The following SHTN1 variants were observed in gnomAD, a reference collection of about 807,000 sequenced individuals.
SHTN1 encodes the protein shootin-1.
In SHTN1, 42 loss-of-function variants were observed where a neutral mutation model predicts 83.1. That is an observed-to-expected ratio of 0.51 (90% CI 0.39 to 0.65). The LOEUF (loss-of-function observed/expected upper bound fraction) is 0.65. SHTN1 is among the 30% of genes least tolerant of loss of function. The pLI, the probability that SHTN1 is intolerant of heterozygous loss-of-function variation, is 0.00. For missense variants in SHTN1, 622 were observed against 737.8 expected, an observed-to-expected ratio of 0.84 and a Z score of 1.82; for synonymous variants, 224 against 247.7, an observed-to-expected ratio of 0.90 and a Z score of 0.90.
At chr10:117,042,505 A>G (rs1353069196) in intron 2 of SHTN1, among the ~76,000 whole-genome samples, 4 of 152,220 alleles carry the variant, frequency 2.6e-5, no homozygotes, top group Admixed American at 2.6e-4. Flanking sequence ...TGTAGATATA[A>G]AGATAAATAC....
At chr10:117,027,502 C>CTT (rs57037007) in intron 2 of SHTN1, among the ~76,000 whole-genome samples, 7 of 150,028 alleles carry the variant, frequency 4.7e-5, no homozygotes, top group East Asian at 2.0e-4. Context: ...TCAGGCATTT[C>CTT]TTTTTTTTTC....
At position 117,097,028 on chromosome 10, in the gene SHTN1, T is replaced by TACACAC. The variant is rs1472242175; in HGVS notation, c.-189+29278_-189+29279insGTGTGT. ...GCACGCGCGCGCACACACACACACATAGACACACACACACACACACACACA... is the reference window on the plus strand; with the variant it reads ...GCACGCGCGCGCACACACACACACATACACACAGACACACACACACACACACACACA... On this transcript the variant is annotated intron_variant, in intron 1 of 17. Transcript: ENST00000392901. Among the ~76,000 whole-genome samples, 73 of 98,536 alleles carry TACACAC rather than the reference T, an allele frequency of 7.4e-4. 2 individuals carry two copies. Among genetic ancestry groups the TACACAC allele is most frequent in the Admixed American group, 6.1e-3 (56 of 9,232 alleles). The allele number at this position is 98,536 out of a possible 152,430, so 64.6% of individuals were successfully genotyped here. A position where few individuals can be genotyped will look rare whatever the true frequency, so the allele number is the denominator to read the frequency against.
intron 16 of SHTN1, among the ~76,000 whole-genome samples, chr10:116,890,300 A>C (rs1847298708): frequency 1.3e-5 from 2 of 152,246 alleles, no homozygotes; most frequent in African/African-American, 2.4e-5. Flanking sequence ...AAATTTTACA[A>C]GTATCACTTA....
At position 116,948,963 on chromosome 10, in the gene SHTN1, T is replaced by A; in HGVS notation, c.569A>T (p.Asn190Ile). 1 of 1,573,988 alleles carries A rather than the reference T, an allele frequency of 6.4e-7. No homozygotes were observed. The highest frequency in any genetic ancestry group is 1.2e-5 in the South Asian group (1 of 81,868). The part of the protein sequence containing the change: ...NKVKQEKTVL[N>I]SEVLEQRKVL... Reference sequence around the variant, plus strand: ...TTTTCTCTGTTCAAGAACTTCTGAATTTAAAACAGTCTTTTCTTGTTTAAC... The same window carrying A: ...TTTTCTCTGTTCAAGAACTTCTGAAATTAAAACAGTCTTTTCTTGTTTAAC... The change falls in exon 7 of 17, where the codon AAT (asparagine) becomes ATT (isoleucine). Residue 190 changes from asparagine (N) to isoleucine (I), a missense_variant. Around this residue, in one of 3 missense-constraint regions of SHTN1, gnomAD observed 383 missense variants for 455.8 expected, o/e 0.84. Coordinates refer to ENST00000355371, the MANE Select transcript of SHTN1 (RefSeq NM_001127211.3).
At chr10:117,101,919 T>C (rs903596613) in intron 1 of SHTN1, among the ~76,000 whole-genome samples, 1 of 151,964 alleles carries the variant, frequency 6.6e-6, no homozygotes, top group East Asian at 1.9e-4. Flanking sequence ...CATCAAAGTA[T>C]ACCTTTCTTT....
intron 12 of SHTN1, among the ~76,000 whole-genome samples, chr10:116,917,248 AC>A (rs1848411986): frequency 2.6e-5 from 4 of 152,238 alleles, no homozygotes; most frequent in Admixed American, 2.0e-4. Flanking sequence ...GGGAGATAAA[AC>A]CCAGTCTGCC....
intron 2 of SHTN1, among the ~76,000 whole-genome samples, chr10:117,038,655 C>T (rs1235681730): frequency 1.3e-5 from 2 of 152,152 alleles, no homozygotes; most frequent in African/African-American, 4.8e-5. Flanking sequence ...AAACAAACAA[C>T]TCAGTGAATA....
chr10:117,056,517 TAAG>T (rs1471697954), intron 1 of SHTN1, among the ~76,000 whole-genome samples: 1 of 152,164 alleles, frequency 6.6e-6, no homozygotes, highest in Non-Finnish European at 1.5e-5. Flanking sequence ...TCATCCATGA[TAAG>T]AACTCTTGGC....
intron 1 of SHTN1, among the ~76,000 whole-genome samples, chr10:116,989,802 C>T (rs935782641): frequency 2.0e-5 from 3 of 152,158 alleles, no homozygotes; most frequent in East Asian, 3.9e-4. Flanking sequence ...TTTTCGGCCT[C>T]GCGATGTGCA....
intron 1 of SHTN1, among the ~76,000 whole-genome samples, chr10:117,056,251 C>A (rs1032830041): frequency 6.6e-6 from 1 of 151,972 alleles, no homozygotes; most frequent in African/African-American, 2.4e-5. Context: ...AAACCAAAGA[C>A]AATACAAAAA....
At position 116,989,942 on chromosome 10, in the gene SHTN1, CA is replaced by C. The variant is rs777639923; in HGVS notation, c.59-10635del. Among the ~76,000 whole-genome samples the C allele has an allele frequency of 2.0e-5, 3 of 152,222 alleles. No individual in the cohort carries two copies. In the East Asian group the frequency reaches 5.8e-4, roughly 29 times the overall value. ...CTCCCTTTCATTTTGGCATAGTTGG[CA>C]GGAAATTCTGGGCCACTTTACTCGT... On this transcript the variant is annotated intron_variant, in intron 1 of 16. Coordinates refer to ENST00000355371, the MANE Select transcript of SHTN1 (RefSeq NM_001127211.3).
chr10:116,909,398 A>G (rs1848101987), intron 14 of SHTN1, among the ~76,000 whole-genome samples: 1 of 152,220 alleles, frequency 6.6e-6, no homozygotes, highest in Admixed American at 6.5e-5. Context: ...TTTTTTAAAA[A>G]TTGCTTTTAG....
chr10:117,082,852 T>C (rs1425022562), intron 1 of SHTN1, among the ~76,000 whole-genome samples: 1 of 151,580 alleles, frequency 6.6e-6, no homozygotes, highest in African/African-American at 2.4e-5. Context: ...GAGACTAGGA[T>C]TGCAACCCCT....
At chr10:117,033,105 A>C (rs752534082) in intron 2 of SHTN1, among the ~76,000 whole-genome samples, 1 of 152,174 alleles carries the variant, frequency 6.6e-6, no homozygotes, top group Non-Finnish European at 1.5e-5. Flanking sequence ...AAAATTTCAA[A>C]TAATGTAATG....
At chr10:116,921,089 C>T (rs918428004) in intron 12 of SHTN1, among the ~76,000 whole-genome samples, 10 of 152,174 alleles carry the variant, frequency 6.6e-5, no homozygotes, top group Admixed American at 3.9e-4. Flanking sequence ...ATACTAAGTG[C>T]TTGATAAAGT....
chr10:117,118,149 G>A (rs1472938057), intron 1 of SHTN1, among the ~76,000 whole-genome samples: 4 of 151,806 alleles, frequency 2.6e-5, no homozygotes, highest in Non-Finnish European at 5.9e-5. Flanking sequence ...ATATGGCAAG[G>A]GATTAAAAAC....
intron 12 of SHTN1, among the ~76,000 whole-genome samples, chr10:116,920,232 C>T (rs1052216873): frequency 2.7e-4 from 41 of 152,052 alleles, no homozygotes; most frequent in Admixed American, 6.5e-5. Context: ...CCAGAATCTG[C>T]ACGGAGGCTA....
In SHTN1 at chr10:116,884,194, T is replaced by TAC; in HGVS notation, c.*2148_*2149dup. ...TTTGTGTGTGCAATAGCTATGAACA[T>TAC]ACCTTGCAGATATAAGCACGGTTCT... On this transcript the variant is annotated 3_prime_UTR_variant, in exon 17 of 17. Transcript: ENST00000355371. 2.2e-6 allele frequency: 1 copy of TAC among 456,810 alleles called. No homozygotes were observed. Among genetic ancestry groups the TAC allele is most frequent in the South Asian group, 1.5e-5 (1 of 64,558 alleles). 28.3% of individuals were successfully genotyped at this position (456,810 alleles called of 1,614,324 possible).
intron 4 of SHTN1, among the ~76,000 whole-genome samples, chr10:116,956,902 T>C (rs1164241164): frequency 1.3e-5 from 2 of 152,138 alleles, no homozygotes; most frequent in Non-Finnish European, 2.9e-5. Flanking sequence ...AAGATTTATA[T>C]ATATGAGGGT....
Sources: allele counts gnomAD v4.1 joint callset (sites outside exome capture counted in the v4.1 genomes callset), GRCh38; gene constraint gnomAD v4.1.1; regional missense constraint gnomAD v4.1.1; transcripts MANE v1.5; gene names NCBI Gene and HGNC (gene_info 2026-07-23, HGNC 2026-07-21).